CBARP: variants seen among roughly 807,000 people sequenced by gnomAD.
The protein encoded by CBARP is voltage-dependent calcium channel beta subunit-associated regulatory protein.
Under a neutral mutation model 36.3 loss-of-function variants are expected in CBARP, and 24 were observed. The ratio of observed to expected loss-of-function variants is 0.66; its 90% CI spans 0.48 to 0.93. The LOEUF is 0.93. CBARP is among the 40% of genes least tolerant of loss of function. The pLI, the probability that CBARP is intolerant of heterozygous loss-of-function variation, is 0.00. For missense variants in CBARP, 1,146 were observed against 980.4 expected (o/e 1.17, Z -2.26); for synonymous variants, 586 against 453.2 (o/e 1.29, Z -3.72).
chr19:1,230,221 G>C (rs1444268601), intron 9 of CBARP, 79 bp from the exon 10 acceptor site: 3 of 994,700 alleles, frequency 3.0e-6, no homozygotes, highest in Non-Finnish European at 3.6e-6. Flanking sequence ...CTCTGGATCA[G>C]GGAGGGTGGA....
At position 1,229,113 on chromosome 19, in the gene CBARP, T is replaced by C. The variant is rs910875284; in HGVS notation, c.*66A>G. ...TCGGGGCGTCGCGCCCCCACGTCTC[T>C]CCCGCCGCCGAGGCCCCGTGCGGCG... On this transcript the variant is annotated 3_prime_UTR_variant, in exon 10 of 10. Coordinates refer to ENST00000650044, the MANE Select transcript of CBARP (RefSeq NM_001393918.1). The surrounding 1 kb of genome is among the most constrained non-coding windows in gnomAD (Gnocchi z 5.1). The C allele has an allele frequency of 3.1e-5, 20 of 646,152 alleles. No individual in the cohort carries two copies. In the African/African-American group the frequency reaches 4.0e-4, roughly 13 times the overall value. The allele number at this position is 646,152 out of a possible 1,614,324, so 40.0% of individuals were successfully genotyped here. A position where few individuals can be genotyped will look rare whatever the true frequency, so the allele number is the denominator to read the frequency against.
intron 5 of CBARP, 75 bp downstream of exon 5, chr19:1,234,926 C>T: frequency 6.5e-7 from 1 of 1,536,906 alleles, no homozygotes; most frequent in Admixed American, 1.9e-5. Flanking sequence ...AGCCTCCGCA[C>T]CCAGCTCCTC....
In CBARP at chr19:1,230,787, G is replaced by A. The variant is rs182644944; in HGVS notation, c.1154+314C>T. The A allele has an allele frequency of 1.7e-4, 240 of 1,395,632 alleles. 1 individual carries two copies. The African/African-American group carries it at 3.4e-3, about 20-fold the overall frequency. 86.5% of individuals were successfully genotyped at this position (1,395,632 alleles called of 1,614,324 possible). On this transcript the variant is annotated intron_variant, in intron 9 of 9. Transcript: ENST00000650044. ...GCATGGGCGGGGCGGGGGTGGGAGAGGGCCTGGGACCACAGCAGAACCCTT... is the reference window on the plus strand; with the variant it reads ...GCATGGGCGGGGCGGGGGTGGGAGAAGGCCTGGGACCACAGCAGAACCCTT...
At position 1,229,270 on chromosome 19, in the gene CBARP, C is replaced by T; in HGVS notation, c.2027G>A (p.Arg676Lys). ...LDKLAAGLDERLFPPRLAEPV... is the reference protein window; with the variant it reads ...LDKLAAGLDEKLFPPRLAEPV... ...CTCGGCGAGGCGCGGCGGAAAGAGTCTCTCGTCGAGGCCAGCCGCCAGCTT... is the reference window on the plus strand; with the variant it reads ...CTCGGCGAGGCGCGGCGGAAAGAGTTTCTCGTCGAGGCCAGCCGCCAGCTT... The change falls in exon 10 of 10, where the codon AGA becomes AAA. Residue 676 changes from arginine (R) to lysine (K), a missense_variant. By Grantham distance (26) the Arg-to-Lys change is conservative. Coordinates refer to ENST00000650044, the MANE Select transcript of CBARP (RefSeq NM_001393918.1). The surrounding 1 kb of genome is among the most constrained non-coding windows in gnomAD (Gnocchi z 5.1). 11 of 1,253,204 alleles carry T rather than the reference C, an allele frequency of 8.8e-6. No homozygotes were observed. Among genetic ancestry groups the T allele is most frequent in the African/African-American group, 1.6e-5 (1 of 61,854 alleles). The allele number at this position is 1,253,204 out of a possible 1,614,324, so 77.6% of individuals were successfully genotyped here. A position where few individuals can be genotyped will look rare whatever the true frequency, so the allele number is the denominator to read the frequency against.
Position 1,229,568 on chromosome 19 carries a change from C to A in CBARP, c.1729G>T (p.Ala577Ser). The A allele has an allele frequency of 9.1e-7, 1 of 1,094,276 alleles. No homozygotes were observed. Among genetic ancestry groups the A allele is most frequent in the Non-Finnish European group, 1.1e-6 (1 of 889,326 alleles). 67.8% of individuals were successfully genotyped at this position (1,094,276 alleles called of 1,614,324 possible). The change falls in exon 10 of 10, where the codon GCC becomes TCC. Residue 577 changes from alanine to serine, a missense_variant. By Grantham distance (99) the Ala-to-Ser change is moderately conservative. Transcript: ENST00000650044. The surrounding 1 kb of genome is among the most constrained non-coding windows in gnomAD (Gnocchi z 5.1). ...ARHRARAHPH[A>S]RKQWQRGRQH... The stretch of plus-strand genomic sequence containing the variant: ...CGGCCACGCTGCCACTGTTTGCGGG[C>A]GTGCGGGTGCGCGCGGGCGCGGTGT...
chr19:1,233,049 G>C (rs766275877), intron 8 of CBARP, among the ~76,000 whole-genome samples: 1 of 152,216 alleles, frequency 6.6e-6, no homozygotes, highest in Non-Finnish European at 1.5e-5. Context: ...GATGAGAGCC[G>C]AGCATGGCTG....
rs757102508 is a variant in CBARP at position 1,234,208 on chromosome 19, A to T, written c.751T>A (p.Ser251Thr). 6 of 1,523,180 alleles carry T rather than the reference A, an allele frequency of 3.9e-6. No individual in the cohort carries two copies. The East Asian group carries it at 1.2e-4, about 30-fold the overall frequency. The allele number at this position is 1,523,180 out of a possible 1,614,324, so 94.4% of individuals were successfully genotyped here. Residue 251 changes from serine (S) to threonine (T), a missense_variant, in exon 7 of 10, where the codon TCT (serine) becomes ACT (threonine). By Grantham distance (58) the Ser-to-Thr change is moderately conservative (BLOSUM62 1). Coordinates refer to ENST00000650044, the MANE Select transcript of CBARP (RefSeq NM_001393918.1). ...GCCCTCACCGAGGTGCCTTCCCCAGAGTCGCTAGATGCCGAGGGGCTGATC... is the reference window on the plus strand; with the variant it reads ...GCCCTCACCGAGGTGCCTTCCCCAGTGTCGCTAGATGCCGAGGGGCTGATC... ...AEISPSASSD[S>T]GEGTSLDAGT...
intron 8 of CBARP, among the ~76,000 whole-genome samples, chr19:1,232,468 C>T (rs955523288): frequency 1.3e-5 from 2 of 152,152 alleles, no homozygotes; most frequent in African/African-American, 4.8e-5. Context: ...CCACCCTGTC[C>T]ACAAGGCAGA....
In CBARP at chr19:1,229,335, G is replaced by A. The variant is rs781496930; in HGVS notation, c.1962C>T (p.Gly654=). Residue 654 remains glycine (G), a synonymous_variant, in exon 10 of 10, where the codon GGC becomes GGT. Coordinates refer to ENST00000650044, the MANE Select transcript of CBARP (RefSeq NM_001393918.1). This position sits in a 1 kb window ranked among gnomAD's most constrained non-coding sequence, Gnocchi z 5.1. ...CGGATGGTAGGACGCACAGGCCCGA[G>A]CCGGGGCACCCCCCGCCGCCCGGCT... ...EEEPGGGGCP[G]SGLCVLPSGS... 1.6e-6 allele frequency: 2 copies of A among 1,220,362 alleles called. No individual in the cohort carries two copies. Among genetic ancestry groups the A allele is most frequent in the South Asian group, 1.4e-5 (1 of 73,846 alleles). The allele number at this position is 1,220,362 out of a possible 1,614,324, so 75.6% of individuals were successfully genotyped here. A position where few individuals can be genotyped will look rare whatever the true frequency, so the allele number is the denominator to read the frequency against.
intron 4 of CBARP, 121 bp downstream of exon 4, chr19:1,235,380 C>T (rs2080953781): frequency 4.1e-6 from 5 of 1,208,610 alleles, no homozygotes; most frequent in Non-Finnish European, 5.7e-6. Context: ...CGGAATCGAG[C>T]TGCGCCCAGT....
intron 8 of CBARP, among the ~76,000 whole-genome samples, chr19:1,232,258 C>T (rs558496651): frequency 7.9e-5 from 12 of 152,218 alleles, no homozygotes; most frequent in African/African-American, 1.9e-4. Context: ...TCAGCTGGAG[C>T]GGGGCAGCCA....
chr19:1,231,965 G>A (rs1022895964), intron 8 of CBARP, among the ~76,000 whole-genome samples: 3 of 152,270 alleles, frequency 2.0e-5, no homozygotes, highest in South Asian at 2.1e-4. Context: ...GGCCTGCACA[G>A]CCTGGCTGAA....
At chr19:1,233,898 T>C (rs1020913137) in intron 7 of CBARP, among the ~76,000 whole-genome samples, 1 of 152,198 alleles carries the variant, frequency 6.6e-6, no homozygotes, top group Non-Finnish European at 1.5e-5. Flanking sequence ...AGAAGGTCTC[T>C]CGCCCACGGC....
chr19:1,234,331 G>A lies in CBARP; in HGVS notation c.628C>T (p.Pro210Ser), dbSNP rs1457308620. ...CGGCCGGTGAGGGCCTTCCCCGGGG[G>A]CTGTGGGACAGAGCCAGGTGGGGGA... The part of the protein sequence containing the change: ...SPKATLAIFQ[P>S]PGKALTGRSV... The change falls in exon 7 of 10, where the codon CCC becomes TCC. Residue 210 changes from proline to serine, a missense_variant and splice_region_variant. Transcript: ENST00000650044. 1.1e-5 allele frequency: 16 copies of A among 1,443,070 alleles called. No homozygotes were observed. The South Asian group carries it at 1.9e-4, about 17-fold the overall frequency. 89.4% of individuals were successfully genotyped at this position (1,443,070 alleles called of 1,614,324 possible). A position where few individuals can be genotyped will look rare whatever the true frequency, so the allele number is the denominator to read the frequency against.
At chr19:1,230,200 G>A (rs2080871505) in intron 9 of CBARP, 58 bp from the exon 10 acceptor site, 1 of 994,928 alleles carries the variant, frequency 1.0e-6, no homozygotes, top group Non-Finnish European at 1.2e-6. Context: ...CTACCCGGCC[G>A]GCCATCCCGC....
chr19:1,233,127 C>T (rs925410599), intron 8 of CBARP, among the ~76,000 whole-genome samples: 10 of 152,200 alleles, frequency 6.6e-5, no homozygotes, highest in Admixed American at 5.2e-4. Flanking sequence ...CCGACACCCT[C>T]CTTTACCACC....
chr19:1,236,786 G>A (rs1329689173), intron 1 of CBARP, among the ~76,000 whole-genome samples: 2 of 149,680 alleles, frequency 1.3e-5, no homozygotes, highest in African/African-American at 4.9e-5. Flanking sequence ...CGACTGCGGA[G>A]CAGGCCGCGG....
At chr19:1,233,186 C>T (rs896954276) in intron 8 of CBARP, among the ~76,000 whole-genome samples, 1 of 152,244 alleles carries the variant, frequency 6.6e-6, no homozygotes, top group Non-Finnish European at 1.5e-5. Flanking sequence ...CGCGCAAAGC[C>T]TTCCCGCACA....
At position 1,236,019 on chromosome 19, in the gene CBARP, C is replaced by T. The variant is rs761153488; in HGVS notation, c.82G>A (p.Asp28Asn). 2.6e-6 allele frequency: 4 copies of T among 1,545,516 alleles called. No homozygotes were observed. The South Asian group carries it at 3.7e-5, about 14-fold the overall frequency. The part of the protein sequence containing the change: ...TATVALTTSW[D>N]NATGRPTAEP... ...ACCGTGGGGCGTCCAGTGGCATTGT[C>T]CCACGACGTCGTCAGGGCTACTGTG... is the stretch of plus-strand genomic sequence containing the variant. The change falls in exon 2 of 10, where the codon GAC (aspartate) becomes AAC (asparagine). Residue 28 changes from aspartate to asparagine, a missense_variant. By Grantham distance (23) the Asp-to-Asn change is conservative. Transcript: ENST00000650044.
Sources: allele counts gnomAD v4.1 joint callset (sites outside exome capture counted in the v4.1 genomes callset), GRCh38; gene constraint gnomAD v4.1.1; non-coding constraint Gnocchi (gnomAD v3.1); transcripts MANE v1.5; gene names NCBI Gene and HGNC (gene_info 2026-07-23, HGNC 2026-07-21).